Variants in KATNIP observed in about 807,000 individuals in gnomAD.
The protein encoded by KATNIP is katanin-interacting protein.
A neutral mutation model predicts 174.0 loss-of-function variants in KATNIP; 126 were observed. The ratio of observed to expected loss-of-function variants is 0.72; its 90% confidence interval spans 0.63 to 0.84. KATNIP has a LOEUF of 0.84. KATNIP is among the 40% of genes least tolerant of loss of function. KATNIP has a pLI of 0.00. For synonymous variants in KATNIP, 810 were observed against 835.7 expected (o/e 0.97, Z 0.53); for missense variants, 1,958 against 2,109.7 (o/e 0.93, Z 1.41).
At chr16:27,666,510 C>A (rs999258967) in intron 6 of KATNIP, among the ~76,000 whole-genome samples, 3 of 152,034 alleles carry the variant, frequency 2.0e-5, no homozygotes, top group African/African-American at 7.2e-5. Context: ...TTCTGCCTCC[C>A]GGGTTCAAGC....
chr16:27,602,976 A>G lies in KATNIP; in HGVS notation c.64-15449A>G, dbSNP rs372068081. On this transcript the variant is annotated intron_variant, in intron 2 of 27. Coordinates refer to ENST00000261588, the MANE Select transcript of KATNIP (RefSeq NM_015202.5). ...CTGCCTCCCAAAGTGCTGGGATTAC[A>G]GGCATGAGCCACGGCACCCAGCTGA... is the stretch of plus-strand genomic sequence containing the variant. Among the ~76,000 whole-genome samples, 6 of 152,366 alleles carry G rather than the reference A, an allele frequency of 3.9e-5. No individual in the cohort carries two copies. In the South Asian group the frequency reaches 1.2e-3, roughly 32 times the overall value.
rs1045697396 is a variant in KATNIP, at chr16:27,777,287, C to T, written c.4551+258C>T. The stretch of plus-strand genomic sequence containing the variant: ...CCTCTAGAATCCCACTGGTTTGGGG[C>T]GGTGACCCTGGGATGGGGAAAACAG... On this transcript the variant is annotated intron_variant, in intron 25 of 27. Coordinates refer to ENST00000261588, the MANE Select transcript of KATNIP (RefSeq NM_015202.5). This position sits in a 1 kb window ranked among gnomAD's most constrained non-coding sequence, Gnocchi z 4.4. Among the ~76,000 whole-genome samples the T allele has an allele frequency of 1.1e-4, 17 of 152,094 alleles. 1 individual carries two copies. Among genetic ancestry groups the T allele is most frequent in the Admixed American group, 9.2e-4 (14 of 15,274 alleles).
chr16:27,740,010 A>G (rs759759813), intron 14 of KATNIP, 31 bp from the exon 15 acceptor site: 3 of 1,585,858 alleles, frequency 1.9e-6, no homozygotes, highest in Middle Eastern at 1.7e-4. Context: ...GATGCTATGC[A>G]TCTTCACTTT....
chr16:27,573,031 C>G (rs1005509596), intron 1 of KATNIP, among the ~76,000 whole-genome samples: 2 of 152,236 alleles, frequency 1.3e-5, no homozygotes, highest in Non-Finnish European at 2.9e-5. Flanking sequence ...AAAGACGTGT[C>G]TTTTCTCTGA....
chr16:27,573,937 G>A lies in KATNIP; in HGVS notation c.44G>A (p.Cys15Tyr). ...CGAAAGGCCGAGAGAAGCTGGTCCT[G>A]CTCACGAGAGAAAAAGGAGGTAAAT... ...TLRKAERSWS[C>Y]SREKKEGYAK... Residue 15 changes from cysteine (C) to tyrosine (Y), a missense_variant, in exon 2 of 28, where the codon TGC (cysteine) becomes TAC (tyrosine). Physicochemically the swap from Cys to Tyr is radical, Grantham distance 194 (BLOSUM62 -2). Transcript: ENST00000261588. The A allele has an allele frequency of 1.2e-6, 2 of 1,614,158 alleles. No homozygotes were observed. Among genetic ancestry groups the A allele is most frequent in the Non-Finnish European group, 1.7e-6 (2 of 1,180,006 alleles).
In KATNIP at chr16:27,740,121, TAGGG is replaced by T. The variant is rs752073166; in HGVS notation, c.1828_1831del (p.Glu610ProfsTer19). ...TCAATGGCAAGTTAGACAAAGGAGA[TAGGG>T]AGGCCCCAGCTGACCACAGCATCCT... On this transcript the variant is annotated frameshift_variant, in exon 15 of 28. Transcript: ENST00000261588. LOFTEE classifies it high-confidence loss of function. 1 of 1,614,052 alleles carries T rather than the reference TAGGG, an allele frequency of 6.2e-7. No homozygotes were observed. The highest frequency in any genetic ancestry group is 1.1e-5 in the South Asian group (1 of 91,068).
chr16:27,639,217 A>G (rs941805204), intron 5 of KATNIP, among the ~76,000 whole-genome samples: 9 of 152,134 alleles, frequency 5.9e-5, no homozygotes, highest in African/African-American at 9.7e-5. Flanking sequence ...TCCACCTGTA[A>G]AACCCTTCCC....
At chr16:27,742,487 C>A (rs1390471301) in intron 15 of KATNIP, among the ~76,000 whole-genome samples, 8 of 152,230 alleles carry the variant, frequency 5.3e-5, no homozygotes, top group African/African-American at 1.9e-4. Context: ...TGCCAGGGCT[C>A]ACCCCTAGAG....
intron 15 of KATNIP, among the ~76,000 whole-genome samples, chr16:27,742,592 A>G (rs896452080): frequency 7.9e-5 from 12 of 152,048 alleles, no homozygotes; most frequent in African/African-American, 2.9e-4. Context: ...CCTCCAACCC[A>G]CACCTCAGGC....
In KATNIP at chr16:27,683,083, T is replaced by C. The variant is rs2078406073; in HGVS notation, c.940+1553T>C. 2.6e-5 allele frequency among the ~76,000 whole-genome samples: 4 copies of C among 152,320 alleles called. No homozygotes were observed. In the South Asian group the frequency reaches 8.3e-4, roughly 32 times the overall value. On this transcript the variant is annotated intron_variant, in intron 8 of 27. Coordinates refer to ENST00000261588, the MANE Select transcript of KATNIP (RefSeq NM_015202.5). ...TTACCTAGTTTCAGTTATTCTGTTA[T>C]AAGCAACAGAAAACAAGATTAAGGC...
chr16:27,692,435 C>T (rs1250017952), intron 8 of KATNIP, among the ~76,000 whole-genome samples: 1 of 152,164 alleles, frequency 6.6e-6, no homozygotes, highest in Non-Finnish European at 1.5e-5. Flanking sequence ...AGGGATACAA[C>T]AGTAAACAAG....
chr16:27,612,848 G>A (rs919885921), intron 2 of KATNIP, among the ~76,000 whole-genome samples: 1 of 152,118 alleles, frequency 6.6e-6, no homozygotes, highest in Non-Finnish European at 1.5e-5. Context: ...GGTGCTACAT[G>A]CCTGTAGTTT....
In KATNIP at chr16:27,631,088, C is replaced by T. The variant is rs1050340815; in HGVS notation, c.334C>T (p.Arg112Ter). Reference sequence around the variant, plus strand: ...AGATTATGGACGAAGAACTCTGTTTCGAGAAGCTGAAGAAGCCTTAAGACG... The same window carrying T: ...AGATTATGGACGAAGAACTCTGTTTTGAGAAGCTGAAGAAGCCTTAAGACG... ...THDYGRRTLF[R>*]EAEEALRRSS... The change falls in exon 5 of 28, where the codon CGA becomes TGA. Residue 112 changes from arginine (R) to a stop codon, truncating the protein, a stop_gained. Transcript: ENST00000261588. LOFTEE classifies it high-confidence loss of function. 8 of 1,573,438 alleles carry T rather than the reference C, an allele frequency of 5.1e-6. No homozygotes were observed. Among genetic ancestry groups the T allele is most frequent in the Middle Eastern group, 1.7e-4 (1 of 6,020 alleles).
At chr16:27,775,444 C>G (rs1323981314) in intron 24 of KATNIP, among the ~76,000 whole-genome samples, 1 of 152,240 alleles carries the variant, frequency 6.6e-6, no homozygotes. Flanking sequence ...CTCTTCCTCC[C>G]CACCCAGCTC....
intron 12 of KATNIP, among the ~76,000 whole-genome samples, chr16:27,704,405 G>A (rs1225016482): frequency 6.6e-6 from 1 of 152,162 alleles, no homozygotes; most frequent in Non-Finnish European, 1.5e-5. Context: ...CCACATACGT[G>A]GCAGGCAGCT....
intron 21 of KATNIP, among the ~76,000 whole-genome samples, chr16:27,770,669 AG>A (rs1172149388): frequency 6.6e-6 from 1 of 152,176 alleles, no homozygotes; most frequent in Non-Finnish European, 1.5e-5. Context: ...GACCAGGGAG[AG>A]GGGCCCCGTC....
intron 13 of KATNIP, among the ~76,000 whole-genome samples, chr16:27,710,527 T>G (rs769260565): frequency 6.6e-6 from 1 of 152,090 alleles, no homozygotes; most frequent in Non-Finnish European, 1.5e-5. Context: ...CATTCACAAT[T>G]ATCTCCTCGG....
intron 14 of KATNIP, among the ~76,000 whole-genome samples, chr16:27,729,208 G>C (rs1012008282): frequency 1.3e-5 from 2 of 152,218 alleles, no homozygotes; most frequent in African/African-American, 2.4e-5. Context: ...ATGTCATCAG[G>C]AATCTGCCTC....
intron 5 of KATNIP, among the ~76,000 whole-genome samples, chr16:27,636,684 C>G (rs1011758717): frequency 6.6e-6 from 1 of 152,032 alleles, no homozygotes; most frequent in Non-Finnish European, 1.5e-5. Flanking sequence ...TGAGTAACCT[C>G]TCTGAGCTGT....
Sources: gnomAD v4.1 joint callset for allele counts (sites outside exome capture counted in the v4.1 genomes callset) on GRCh38, gnomAD v4.1.1 for gene constraint, Gnocchi (gnomAD v3.1) non-coding constraint, MANE v1.5 for transcripts, NCBI Gene and HGNC (gene_info 2026-07-23, HGNC 2026-07-21) for gene names.